The following ZNF343 variants were observed in gnomAD, a reference collection of about 807,000 sequenced individuals.
ZNF343 encodes the protein zinc finger protein 343.
A neutral mutation model predicts 13.8 loss-of-function variants in ZNF343; 11 were observed. The observed-to-expected ratio is 0.80, with a 90% CI of 0.50 to 1.32. The LOEUF (loss-of-function observed/expected upper bound fraction) is 1.32, where lower values mean the gene tolerates loss of function less well. ZNF343 is among the 40% of genes most tolerant of loss of function. The pLI is 0.00. For synonymous variants in ZNF343, 248 were observed against 260.0 expected, an observed-to-expected ratio of 0.95 and a Z score of 0.44; for missense variants, 658 against 714.2, an observed-to-expected ratio of 0.92 and a Z score of 0.90.
intron 2 of ZNF343, among the ~76,000 whole-genome samples, chr20:2,495,959 C>T (rs1016544610): frequency 4.6e-5 from 7 of 152,156 alleles, no homozygotes; most frequent in Non-Finnish European, 7.3e-5. Flanking sequence ...GGATTACAGG[C>T]GTGAGCCACC....
At chr20:2,501,506 A>C (rs553956341) in intron 1 of ZNF343, among the ~76,000 whole-genome samples, 1 of 152,314 alleles carries the variant, frequency 6.6e-6, no homozygotes, top group Admixed American at 6.5e-5. Flanking sequence ...GAATGGACAG[A>C]CTGCCTCCTC....
chr20:2,516,426 T>A (rs1280496371), intron 1 of ZNF343, among the ~76,000 whole-genome samples: 1 of 152,050 alleles, frequency 6.6e-6, no homozygotes, highest in Non-Finnish European at 1.5e-5. Context: ...AGGGTTAGTG[T>A]TTGATTTAGG....
rs1345566176 is a variant in ZNF343 at position 2,482,247 on chromosome 20, T to C, written c.*914A>G. The C allele has an allele frequency of 1.3e-5, 2 of 152,214 alleles. No individual in the cohort carries two copies. The highest frequency in any genetic ancestry group is 2.9e-5 in the Non-Finnish European group (2 of 68,050). The allele number at this position is 152,214 out of a possible 1,614,324, so 9.4% of individuals were successfully genotyped here. A position where few individuals can be genotyped will look rare whatever the true frequency, so the allele number is the denominator to read the frequency against. ...TGCAGAATTTCTATTCAATATACTC[T>C]GGGGCTTACTGCGGGGTGACTCATG... On this transcript the variant is annotated 3_prime_UTR_variant, in exon 6 of 6. Transcript: ENST00000278772.
Position 2,523,677 on chromosome 20 carries a change from C to CTTTTTTTTTTT in ZNF343, c.-347+767_-347+777dup, listed in dbSNP as rs3051730. Among the ~76,000 whole-genome samples the CTTTTTTTTTTT allele has an allele frequency of 2.9e-5, 3 of 102,790 alleles. 1 individual carries two copies. The highest frequency in any genetic ancestry group is 3.9e-5 in the African/African-American group (1 of 25,938). 67.4% of individuals were successfully genotyped at this position (102,790 alleles called of 152,430 possible). A position where few individuals can be genotyped will look rare whatever the true frequency, so the allele number is the denominator to read the frequency against. On this transcript the variant is annotated intron_variant, in intron 1 of 6. Transcript: ENST00000358413. ...AAACCCCACTCCATAGCTATGTGTA[C>CTTTTTTTTTTT]TTTTTTTTTTTTTTTTTTTTTGAGA... is the stretch of plus-strand genomic sequence containing the variant.
Position 2,483,072 on chromosome 20 carries a change from T to C in ZNF343, c.*89A>G. 3.5e-6 allele frequency: 5 copies of C among 1,420,368 alleles called. No individual in the cohort carries two copies. Among genetic ancestry groups the C allele is most frequent in the Non-Finnish European group, 4.8e-6 (5 of 1,046,474 alleles). 88.0% of individuals were successfully genotyped at this position (1,420,368 alleles called of 1,614,324 possible). The stretch of plus-strand genomic sequence containing the variant: ...ACTCACAATCTGTGTACACAGGGTC[T>C]ACTCCCCATGTGTCTCTCTGGGGTA... On this transcript the variant is annotated 3_prime_UTR_variant, in exon 6 of 6. Transcript: ENST00000278772.
chr20:2,509,241 T>C (rs1336106879), upstream of ZNF343: 1 of 152,206 alleles, frequency 6.6e-6, no homozygotes, highest in Non-Finnish European at 1.5e-5. Flanking sequence ...GCGCTGTCTG[T>C]CAGGCGTGTG....
chr20:2,484,236 T>G lies in ZNF343; in HGVS notation c.725A>C (p.Asn242Thr). 1 of 1,614,262 alleles carries G rather than the reference T, an allele frequency of 6.2e-7. No individual in the cohort carries two copies. The highest frequency in any genetic ancestry group is 8.5e-7 in the Non-Finnish European group (1 of 1,180,052). Residue 242 changes from asparagine to threonine, a missense_variant, in exon 6 of 6, where the codon AAC (asparagine) becomes ACC (threonine). Coordinates refer to ENST00000278772, the MANE Select transcript of ZNF343 (RefSeq NM_024325.6). Reference protein sequence around the residue: ...ELETLRFGAINCREYEPDHNL... With the variant: ...ELETLRFGAITCREYEPDHNL... ...ATGGTCCGGTTCATACTCTCTACAG[T>G]TGATTGCTCCAAATCTCAAGGTTTC...
chr20:2,483,444 G>T lies in ZNF343; in HGVS notation c.1517C>A (p.Ser506Ter). The T allele has an allele frequency of 6.2e-7, 1 of 1,608,068 alleles. No homozygotes were observed. The highest frequency in any genetic ancestry group is 8.5e-7 in the Non-Finnish European group (1 of 1,178,328). Reference sequence around the variant, plus strand: ...CGTCCTCTGGTGTCTGATGAGATTTGACTTCTGGCTAAAACCTCGCCTACA... The same window carrying T: ...CGTCCTCTGGTGTCTGATGAGATTTTACTTCTGGCTAAAACCTCGCCTACA... ...RECRRGFSQK[S>*]NLIRHQRTHS... The change falls in exon 6 of 6, where the codon TCA becomes TAA. Residue 506 changes from serine to a stop codon, truncating the protein, a stop_gained. Transcript: ENST00000278772. LOFTEE classifies it low-confidence loss of function (END_TRUNC).
rs374101325 is a variant in ZNF343 at position 2,483,534 on chromosome 20, C to T, written c.1427G>A (p.Arg476Gln). The T allele has an allele frequency of 1.3e-5, 20 of 1,591,172 alleles. No individual in the cohort carries two copies. The highest frequency in any genetic ancestry group is 2.2e-5 in the South Asian group (2 of 90,336). Residue 476 changes from arginine to glutamine, a missense_variant, in exon 6 of 6, where the codon CGG becomes CAG. Arg to Gln is a conservative substitution (Grantham distance 43). Coordinates refer to ENST00000278772, the MANE Select transcript of ZNF343 (RefSeq NM_024325.6). The part of the protein sequence containing the change: ...VCGECGRGFS[R>Q]KSLLLVHQRT... Reference sequence around the variant, plus strand: ...CTGGTGGACAAGGAGGAGTGATTTCCGACTAAAGCCTCGGCCACACTCACC... The same window carrying T: ...CTGGTGGACAAGGAGGAGTGATTTCTGACTAAAGCCTCGGCCACACTCACC...
At chr20:2,487,144 G>A (rs1385917504) in intron 5 of ZNF343, among the ~76,000 whole-genome samples, 1 of 152,188 alleles carries the variant, frequency 6.6e-6, no homozygotes, top group Admixed American at 6.5e-5. Context: ...CCTGTTACCT[G>A]TGGTCGTGTT....
At chr20:2,515,650 G>A (rs1306098540) in intron 1 of ZNF343, among the ~76,000 whole-genome samples, 1 of 152,110 alleles carries the variant, frequency 6.6e-6, no homozygotes, top group African/African-American at 2.4e-5. Flanking sequence ...AGTTAGTATG[G>A]GTTATCTTGT....
intron 1 of ZNF343, among the ~76,000 whole-genome samples, chr20:2,520,742 A>G (rs1020619644): frequency 3.3e-5 from 5 of 152,246 alleles, no homozygotes; most frequent in African/African-American, 1.2e-4. Context: ...ACTTGTGAAC[A>G]TGGGGACTCG....
intron 2 of ZNF343, among the ~76,000 whole-genome samples, chr20:2,494,983 T>A (rs1192733628): frequency 2.6e-5 from 4 of 152,186 alleles, no homozygotes; most frequent in Admixed American, 2.6e-4. Flanking sequence ...CCTACACTGA[T>A]GTGGTCCCAA....
In ZNF343 at chr20:2,484,085, C is replaced by G; in HGVS notation, c.876G>C (p.Ser292=). 1 of 1,614,158 alleles carries G rather than the reference C, an allele frequency of 6.2e-7. No individual in the cohort carries two copies. The highest frequency in any genetic ancestry group is 8.5e-7 in the Non-Finnish European group (1 of 1,180,020). Residue 292 remains serine, a synonymous_variant, in exon 6 of 6, where the codon TCG becomes TCC. Transcript: ENST00000278772. ...CACTGCACACATAAGGCTTCTCCAT[C>G]GAGTGTATACGATGGTGTCTGATGA... is the stretch of plus-strand genomic sequence containing the variant. ...STLIRHHRIH[S]MEKPYVCSEC...
At position 2,508,416 on chromosome 20, in the gene ZNF343, C is replaced by T. The variant is rs551352655; in HGVS notation, c.-237+465G>A. 1.3e-5 allele frequency among the ~76,000 whole-genome samples: 2 copies of T among 152,202 alleles called. 1 individual carries two copies. The highest frequency in any genetic ancestry group is 3.9e-4 in the East Asian group (2 of 5,154). On this transcript the variant is annotated intron_variant, in intron 1 of 5. Transcript: ENST00000278772. The surrounding 1 kb of genome is among the most constrained non-coding windows in gnomAD (Gnocchi z 4.5). ...CAGAAAAACTCGGTGATGCAGGACT[C>T]AAGACGCTCCCCAGCCAAAAACCAC...
At position 2,483,642 on chromosome 20, in the gene ZNF343, C is replaced by T. The variant is rs534859371; in HGVS notation, c.1319G>A (p.Arg440Lys). ...THLDEKPYVC[R>K]ECGRGFCDKS... The stretch of plus-strand genomic sequence containing the variant: ...GTCACAAAAGCCTCGCCCACACTCC[C>T]TGCAAACATAAGGCTTCTCATCCAA... The change falls in exon 6 of 6, where the codon AGG becomes AAG. Residue 440 changes from arginine (R) to lysine (K), a missense_variant. Coordinates refer to ENST00000278772, the MANE Select transcript of ZNF343 (RefSeq NM_024325.6). 2 of 1,613,566 alleles carry T rather than the reference C, an allele frequency of 1.2e-6. No individual in the cohort carries two copies. The highest frequency in any genetic ancestry group is 1.3e-5 in the African/African-American group (1 of 74,922).
chr20:2,498,082 C>A (rs1169942733), intron 2 of ZNF343, among the ~76,000 whole-genome samples: 1 of 152,188 alleles, frequency 6.6e-6, no homozygotes, highest in Non-Finnish European at 1.5e-5. Flanking sequence ...TCAGGCCAGG[C>A]GTGGTGGCTC....
At chr20:2,513,724 C>G (rs1230550433), upstream of ZNF343, among the ~76,000 whole-genome samples, 1 of 152,146 alleles carries the variant, frequency 6.6e-6, no homozygotes, top group East Asian at 1.9e-4. Flanking sequence ...AAGGTGGAAA[C>G]AATCCGAATG....
rs201212283 is a variant in ZNF343, at chr20:2,484,500, T to G, written c.461A>C (p.Gln154Pro). 1.2e-6 allele frequency: 2 copies of G among 1,614,246 alleles called. No individual in the cohort carries two copies. Among genetic ancestry groups the G allele is most frequent in the Non-Finnish European group, 8.5e-7 (1 of 1,180,040 alleles). ...GNSSPGHWKQ[Q>P]GQQYSHVSCW... ...GCTTACATGGGAATACTGCTGCCCC[T>G]GCTGTTTCCAATGCCCTGGGCTAGA... Residue 154 changes from glutamine to proline, a missense_variant, in exon 6 of 6, where the codon CAG (glutamine) becomes CCG (proline). By Grantham distance (76) the Gln-to-Pro change is moderately conservative. Coordinates refer to ENST00000278772, the MANE Select transcript of ZNF343 (RefSeq NM_024325.6).
Sources: gnomAD v4.1 joint callset for allele counts (sites outside exome capture counted in the v4.1 genomes callset) on GRCh38, gnomAD v4.1.1 for gene constraint, Gnocchi (gnomAD v3.1) non-coding constraint, MANE v1.5 for transcripts, NCBI Gene and HGNC (gene_info 2026-07-23, HGNC 2026-07-21) for gene names.